PCDHA4: variants seen among roughly 807,000 people sequenced by gnomAD.
PCDHA4 encodes the protein protocadherin alpha 4, also known as protocadherin alpha-4.
A neutral mutation model predicts 61.4 loss-of-function variants in PCDHA4; 49 were observed. The ratio of observed to expected loss-of-function variants is 0.80; its 90% CI spans 0.63 to 1.01. The LOEUF is 1.01. PCDHA4 is among the 50% of genes least tolerant of loss of function. The pLI is 0.00. For synonymous variants in PCDHA4, 590 were observed against 550.3 expected (o/e 1.07, Z -1.01); for missense variants, 1,254 against 1,235.8 (o/e 1.01, Z -0.22).
chr5:140,820,753 T>C (rs1554127911), intron 1 of PCDHA4, among the ~76,000 whole-genome samples: 1 of 152,114 alleles, frequency 6.6e-6, no homozygotes, highest in Admixed American at 6.5e-5. Flanking sequence ...GTATGTCATA[T>C]AGACAATATT....
rs2150359947 is a variant in PCDHA4, at chr5:140,843,438, C to T, written c.2385+33866C>T. The T allele has an allele frequency of 2.5e-6, 4 of 1,595,980 alleles. No homozygotes were observed. In the African/African-American group the frequency reaches 5.4e-5, roughly 21 times the overall value. ...GTGTACCTGATCATCGCCATCTGCGCGGTATCCAGCCTGCTGGTGCTCACG... is the reference window on the plus strand; with the variant it reads ...GTGTACCTGATCATCGCCATCTGCGTGGTATCCAGCCTGCTGGTGCTCACG... On this transcript the variant is annotated intron_variant, in intron 1 of 3. Coordinates refer to ENST00000530339, the MANE Select transcript of PCDHA4 (RefSeq NM_018907.4).
chr5:140,841,640 G>T, intron 1 of PCDHA4: 1 of 1,614,170 alleles, frequency 6.2e-7, no homozygotes, highest in Non-Finnish European at 8.5e-7. Context: ...CATCCACCTG[G>T]AGGTGATCGT....
At chr5:140,989,637 T>C (rs1274152423) in intron 3 of PCDHA4, among the ~76,000 whole-genome samples, 2 of 152,070 alleles carry the variant, frequency 1.3e-5, no homozygotes, top group African/African-American at 4.8e-5. Flanking sequence ...ACAGCAAGGG[T>C]CTTTCATGGC....
intron 1 of PCDHA4, chr5:140,877,135 G>A (rs1554169356): frequency 2.5e-6 from 4 of 1,613,790 alleles, no homozygotes; most frequent in Non-Finnish European, 3.4e-6. Flanking sequence ...GCAGGTGTTC[G>A]TGCTGGACGA....
Position 140,850,710 on chromosome 5 carries a change from C to T in PCDHA4, c.2385+41138C>T, listed in dbSNP as rs149535933. The T allele has an allele frequency of 3.1e-6, 5 of 1,597,920 alleles. No homozygotes were observed. The African/African-American group carries it at 6.7e-5, about 22-fold the overall frequency. On this transcript the variant is annotated intron_variant, in intron 1 of 3. Coordinates refer to ENST00000530339, the MANE Select transcript of PCDHA4 (RefSeq NM_018907.4). ...CGAGTGCGCGCCTGGCAAGCCGACG[C>T]TGGTGTGTTCTAGCGCGGTGGGGAG... is the stretch of plus-strand genomic sequence containing the variant.
At chr5:140,822,933 C>T in intron 1 of PCDHA4, 1 of 1,614,270 alleles carries the variant, frequency 6.2e-7, no homozygotes, top group Non-Finnish European at 8.5e-7. Flanking sequence ...AGGTGACCTG[C>T]TCCCTAATGC....
At chr5:140,824,904 G>A (rs1768387762) in intron 1 of PCDHA4, 2 of 152,018 alleles carry the variant, frequency 1.3e-5, no homozygotes, top group South Asian at 2.1e-4. Flanking sequence ...TGCCTAAGCA[G>A]TTCACCTGTA....
intron 1 of PCDHA4, chr5:140,828,666 T>G: frequency 6.2e-7 from 1 of 1,614,162 alleles, no homozygotes; most frequent in Non-Finnish European, 8.5e-7. Context: ...AATAAACAAA[T>G]TGGGCTCTTA....
At chr5:140,910,925 TA>T (rs2075234137) in intron 1 of PCDHA4, among the ~76,000 whole-genome samples, 2 of 152,226 alleles carry the variant, frequency 1.3e-5, no homozygotes, top group South Asian at 4.2e-4. Flanking sequence ...CTTATATAAA[TA>T]AGAAAGCTCA....
intron 3 of PCDHA4, among the ~76,000 whole-genome samples, chr5:140,982,826 T>C (rs193172264): frequency 1.1e-3 from 157 of 141,010 alleles, no homozygotes; most frequent in African/African-American, 3.0e-3. Context: ...GTTTTTGGGG[T>C]TTGTTTGTTT....
At chr5:140,868,689 T>A (rs951881699) in intron 1 of PCDHA4, 4 of 174,918 alleles carry the variant, frequency 2.3e-5, no homozygotes, top group Admixed American at 2.1e-4. Flanking sequence ...GTTATAATGT[T>A]AAGTCAAACA....
chr5:140,841,876 G>A lies in PCDHA4; in HGVS notation c.2385+32304G>A, dbSNP rs2150324572. 2.5e-6 allele frequency: 4 copies of A among 1,613,836 alleles called. No homozygotes were observed. The South Asian group carries it at 4.4e-5, about 18-fold the overall frequency. On this transcript the variant is annotated intron_variant, in intron 1 of 3. Transcript: ENST00000530339. Reference sequence around the variant, plus strand: ...ACTTCATGCTAGATGTGAATTCAAAGAACGATGAGAATAAACTGGTTGAGC... The same window carrying A: ...ACTTCATGCTAGATGTGAATTCAAAAAACGATGAGAATAAACTGGTTGAGC...
chr5:140,829,840 G>T, intron 1 of PCDHA4: 1 of 1,613,938 alleles, frequency 6.2e-7, no homozygotes, highest in Admixed American at 1.7e-5. Flanking sequence ...TGGTGCCGCG[G>T]TCACTGGGTG....
At position 140,829,190 on chromosome 5, in the gene PCDHA4, A is replaced by G. The variant is rs1364701507; in HGVS notation, c.2385+19618A>G. The G allele has an allele frequency of 4.3e-6, 7 of 1,614,074 alleles. No homozygotes were observed. The Admixed American group carries it at 1.0e-4, about 23-fold the overall frequency. On this transcript the variant is annotated intron_variant, in intron 1 of 3. Coordinates refer to ENST00000530339, the MANE Select transcript of PCDHA4 (RefSeq NM_018907.4). ...TGTACGTGAAGACGCTCAATTTGGT[A>G]CTGTCATCGCCCTAATTAGCGTGAA... is the stretch of plus-strand genomic sequence containing the variant.
rs1554169929 is a variant in PCDHA4 at position 140,877,625 on chromosome 5, A to G, written c.2385+68053A>G. On this transcript the variant is annotated intron_variant, in intron 1 of 3. Coordinates refer to ENST00000530339, the MANE Select transcript of PCDHA4 (RefSeq NM_018907.4). ...CTGCTGGTGCTCACGCTGCTGCTGT[A>G]CACTGCGCTGCGTTGCTCAGCGCCG... 6.2e-7 allele frequency: 1 copy of G among 1,613,774 alleles called. No individual in the cohort carries two copies. Among genetic ancestry groups the G allele is most frequent in the Non-Finnish European group, 8.5e-7 (1 of 1,179,852 alleles).
rs139860906 is a variant in PCDHA4, at chr5:140,989,355, C to T, written c.2533+6792C>T. On this transcript the variant is annotated intron_variant, in intron 3 of 3. Transcript: ENST00000530339. Reference sequence around the variant, plus strand: ...CTGACTCAGCTCAAAGGTGATAGGTCACCTGTGTGACTGAGAGCTTTGTGG... The same window carrying T: ...CTGACTCAGCTCAAAGGTGATAGGTTACCTGTGTGACTGAGAGCTTTGTGG... Among the ~76,000 whole-genome samples the T allele has an allele frequency of 1.6e-4, 25 of 152,258 alleles. No individual in the cohort carries two copies. In the East Asian group the frequency reaches 4.4e-3, roughly 27 times the overall value.
At chr5:140,928,851 T>G (rs1554206396) in intron 1 of PCDHA4, 1 of 1,614,192 alleles carries the variant, frequency 6.2e-7, no homozygotes, top group Non-Finnish European at 8.5e-7. Flanking sequence ...TCACTCTGGG[T>G]GTGCTGTTGA....
At chr5:140,907,099 C>T (rs2073164781) in intron 1 of PCDHA4, among the ~76,000 whole-genome samples, 1 of 152,108 alleles carries the variant, frequency 6.6e-6, no homozygotes, top group Admixed American at 6.5e-5. Flanking sequence ...GGTGCCACTT[C>T]CACTTCCACC....
chr5:140,943,006 C>A (rs1314561126), intron 1 of PCDHA4, among the ~76,000 whole-genome samples: 2 of 151,932 alleles, frequency 1.3e-5, no homozygotes, highest in East Asian at 3.9e-4. Flanking sequence ...CCTGTAATCC[C>A]AGCACTTTGG....
Sources: allele counts gnomAD v4.1 joint callset (sites outside exome capture counted in the v4.1 genomes callset), GRCh38; gene constraint gnomAD v4.1.1; transcripts MANE v1.5; gene names NCBI Gene and HGNC (gene_info 2026-07-23, HGNC 2026-07-21).